DENND1A: variants seen among roughly 807,000 people sequenced by gnomAD.
The protein encoded by DENND1A is DENN domain-containing protein 1A.
DENND1A carries 51 observed loss-of-function variants against 113.7 expected under a neutral mutation model. The observed-to-expected ratio is 0.45, with a 90% CI of 0.36 to 0.57. The LOEUF (loss-of-function observed/expected upper bound fraction) is 0.57, where lower values mean the gene tolerates loss of function less well. Ranked by LOEUF, DENND1A falls within the 20% of genes least tolerant of loss-of-function variation. The probability of loss-of-function intolerance (pLI) is 0.00; values close to 1 mark genes in which losing one functional copy is unlikely to be tolerated. For missense variants in DENND1A, 1,258 were observed against 1,395.9 expected (o/e 0.90, Z 1.57); for synonymous variants, 565 against 570.8 (o/e 0.99, Z 0.14).
intron 11 of DENND1A, among the ~76,000 whole-genome samples, chr9:123,588,170 G>A (rs1047943324): frequency 6.6e-6 from 1 of 151,330 alleles, no homozygotes; most frequent in African/African-American, 2.4e-5. Context: ...AGCTACTCGG[G>A]AGGCTGAGGT....
intron 12 of DENND1A, among the ~76,000 whole-genome samples, chr9:123,579,703 C>T (rs746512888): frequency 6.6e-6 from 1 of 152,142 alleles, no homozygotes; most frequent in Non-Finnish European, 1.5e-5. Flanking sequence ...TTAAGGTCAA[C>T]GATGGATAGG....
chr9:123,813,017 C>T (rs756511090), intron 2 of DENND1A, among the ~76,000 whole-genome samples: 37 of 152,138 alleles, frequency 2.4e-4, no homozygotes, highest in Non-Finnish European at 5.0e-4. Flanking sequence ...GTGGCATGAT[C>T]ATGGCTCACT....
At chr9:123,613,904 G>A (rs2060524801) in intron 10 of DENND1A, among the ~76,000 whole-genome samples, 1 of 152,190 alleles carries the variant, frequency 6.6e-6, no homozygotes, top group African/African-American at 2.4e-5. Flanking sequence ...TTACAAACGT[G>A]AGAGTAAAAG....
chr9:123,719,626 G>C (rs1253438725), intron 5 of DENND1A, among the ~76,000 whole-genome samples: 1 of 151,274 alleles, frequency 6.6e-6, no homozygotes, highest in African/African-American at 2.4e-5. Context: ...AGTGTTAAAG[G>C]TTTTCAGATT....
chr9:123,559,191 C>T (rs1589134195), intron 12 of DENND1A, among the ~76,000 whole-genome samples: 1 of 151,980 alleles, frequency 6.6e-6, no homozygotes, highest in Non-Finnish European at 1.5e-5. Flanking sequence ...ACCCTGGCTT[C>T]GGTGGCGAAA....
intron 20 of DENND1A, among the ~76,000 whole-genome samples, chr9:123,407,186 G>A (rs1468762377): frequency 6.6e-6 from 1 of 151,638 alleles, no homozygotes; most frequent in African/African-American, 2.4e-5. Context: ...GGGGAGCACG[G>A]AGCTGGAGCC....
At chr9:123,446,159 C>T (rs1294733432) in intron 18 of DENND1A, among the ~76,000 whole-genome samples, 1 of 152,234 alleles carries the variant, frequency 6.6e-6, no homozygotes. Context: ...TGGGCAGAGG[C>T]CTTCCCGTCT....
intron 2 of DENND1A, chr9:123,843,355 T>C (rs981169938): frequency 5.8e-6 from 2 of 346,110 alleles, no homozygotes; most frequent in Admixed American, 8.9e-5. Context: ...AAAGAGTTGG[T>C]GTTGGAAACA....
At chr9:123,426,055 C>A (rs1335860026) in intron 19 of DENND1A, among the ~76,000 whole-genome samples, 1 of 152,218 alleles carries the variant, frequency 6.6e-6, no homozygotes, top group Non-Finnish European at 1.5e-5. Flanking sequence ...TGGGCAGGAA[C>A]TGCCAGGAGT....
intron 2 of DENND1A, among the ~76,000 whole-genome samples, chr9:123,832,287 A>G (rs1371700639): frequency 6.6e-6 from 1 of 152,218 alleles, no homozygotes; most frequent in East Asian, 1.9e-4. Flanking sequence ...GTTCAACTTC[A>G]TGGGTAATCA....
intron 13 of DENND1A, among the ~76,000 whole-genome samples, chr9:123,543,035 C>G (rs1045901377): frequency 6.6e-6 from 1 of 152,212 alleles, no homozygotes; most frequent in African/African-American, 2.4e-5. Flanking sequence ...AGCCGAATGG[C>G]GGCTCAGCTC....
At chr9:123,396,911 G>A (rs901752911) in intron 21 of DENND1A, among the ~76,000 whole-genome samples, 2 of 152,196 alleles carry the variant, frequency 1.3e-5, no homozygotes, top group African/African-American at 4.8e-5. Context: ...GCAATATGGA[G>A]CAGAAATCTT....
At chr9:123,626,744 T>C (rs1393610468) in intron 10 of DENND1A, among the ~76,000 whole-genome samples, 4 of 152,000 alleles carry the variant, frequency 2.6e-5, no homozygotes, top group Non-Finnish European at 5.9e-5. Context: ...ACAGGGAGTT[T>C]AAGGAAAGGT....
chr9:123,550,001 C>G (rs1190630565), intron 13 of DENND1A, among the ~76,000 whole-genome samples: 1 of 152,202 alleles, frequency 6.6e-6, no homozygotes, highest in Non-Finnish European at 1.5e-5. Flanking sequence ...AATCAGGACA[C>G]AGATATATGT....
In DENND1A at chr9:123,896,005, G is replaced by T. The variant is rs187737985; in HGVS notation, c.18-16984C>A. The stretch of plus-strand genomic sequence containing the variant: ...CACAAGCAGGCCCTCACAAGGGACT[G>T]CTACTGAGTGGTCAAAAAAATCTCA... On this transcript the variant is annotated intron_variant, in intron 1 of 23. Transcript: ENST00000394215. 1.3e-4 allele frequency among the ~76,000 whole-genome samples: 20 copies of T among 152,240 alleles called. No homozygotes were observed. The East Asian group carries it at 2.7e-3, about 21-fold the overall frequency.
chr9:123,562,936 T>C (rs532266724), intron 12 of DENND1A, among the ~76,000 whole-genome samples: 3 of 152,284 alleles, frequency 2.0e-5, no homozygotes, highest in Non-Finnish European at 2.9e-5. Context: ...ACTCATGCAG[T>C]ACTTTCTGCC....
chr9:123,448,953 G>C (rs2047504112), intron 18 of DENND1A, among the ~76,000 whole-genome samples: 1 of 152,188 alleles, frequency 6.6e-6, no homozygotes, highest in Non-Finnish European at 1.5e-5. Context: ...ACGTTTGGGG[G>C]CATAGGGATA....
rs139308508 is a variant in DENND1A, at chr9:123,429,073, G to A, written c.1488+11287C>T. Among the ~76,000 whole-genome samples, 75 of 152,236 alleles carry A rather than the reference G, an allele frequency of 4.9e-4. 1 individual carries two copies. The East Asian group carries it at 0.012, about 25-fold the overall frequency. On this transcript the variant is annotated intron_variant, in intron 19 of 23. Coordinates refer to ENST00000394215, the MANE Select transcript of DENND1A (RefSeq NM_001352964.2). Reference sequence around the variant, plus strand: ...TTCATATAGAACCAAAAAAGAGCCCGAATAGCCAAGACAATCATAAGCAAA... The same window carrying A: ...TTCATATAGAACCAAAAAAGAGCCCAAATAGCCAAGACAATCATAAGCAAA...
intron 12 of DENND1A, among the ~76,000 whole-genome samples, chr9:123,561,434 T>C (rs1365718678): frequency 6.6e-6 from 1 of 152,158 alleles, no homozygotes; most frequent in South Asian, 2.1e-4. Flanking sequence ...CCCTGAAACA[T>C]GGAGAAGCTT....
Sources: allele counts gnomAD v4.1 joint callset (sites outside exome capture counted in the v4.1 genomes callset), GRCh38; gene constraint gnomAD v4.1.1; transcripts MANE v1.5; gene names NCBI Gene and HGNC (gene_info 2026-07-23, HGNC 2026-07-21).